EFNA5: variants seen among roughly 807,000 people sequenced by gnomAD.
EFNA5 encodes ephrin-A5.
Under a neutral mutation model 22.9 loss-of-function variants are expected in EFNA5, and 5 were observed. The observed-to-expected ratio is 0.22, with a 90% CI of 0.11 to 0.46. EFNA5 has a LOEUF of 0.46. Among genes scored for constraint, EFNA5 ranks in the 20% least tolerant of loss-of-function variants. EFNA5 has a pLI of 0.99. For synonymous variants in EFNA5, 113 were observed against 112.2 expected, an observed-to-expected ratio of 1.01 and a Z score of -0.04; for missense variants, 237 against 293.3, an observed-to-expected ratio of 0.81 and a Z score of 1.40.
chr5:107,606,912 C>A lies in EFNA5; in HGVS notation c.125+63577G>T, dbSNP rs114010540. 6.5e-3 allele frequency among the ~76,000 whole-genome samples: 991 copies of A among 152,210 alleles called. 11 individuals carry two copies. Among genetic ancestry groups the A allele is most frequent in the African/African-American group, 0.023 (966 of 41,528 alleles). On this transcript the variant is annotated intron_variant, in intron 1 of 4. Coordinates refer to ENST00000333274, the MANE Select transcript of EFNA5 (RefSeq NM_001962.3). ...ATTTTTTTCTCTCCATTGTTAATTT[C>A]TTTTTAAAATACTTCTTACCCCTTC...
At chr5:107,383,832 C>CT (rs1297384569) in intron 4 of EFNA5, among the ~76,000 whole-genome samples, 1 of 152,160 alleles carries the variant, frequency 6.6e-6, no homozygotes, top group Non-Finnish European at 1.5e-5. Context: ...GAGAGGAAGG[C>CT]TTTTGTTTTT....
chr5:107,621,623 G>C (rs1369168931), intron 1 of EFNA5, among the ~76,000 whole-genome samples: 2 of 152,170 alleles, frequency 1.3e-5, no homozygotes, highest in Non-Finnish European at 2.9e-5. Flanking sequence ...CTGATCATGA[G>C]AGAGCTACTT....
chr5:107,603,822 A>T (rs891009071), intron 1 of EFNA5, among the ~76,000 whole-genome samples: 1 of 152,208 alleles, frequency 6.6e-6, no homozygotes, highest in Non-Finnish European at 1.5e-5. Context: ...AGCCAAAGTG[A>T]TAGCAGAAAT....
At chr5:107,500,594 G>A (rs1227050067) in intron 1 of EFNA5, among the ~76,000 whole-genome samples, 2 of 151,980 alleles carry the variant, frequency 1.3e-5, no homozygotes, top group African/African-American at 2.4e-5. Context: ...ATCCTCATAT[G>A]GTGTGGCTGT....
chr5:107,387,374 ATTTC>A, intron 3 of EFNA5, 59 bp from the exon 4 acceptor site: 1 of 1,138,846 alleles, frequency 8.8e-7, no homozygotes, highest in East Asian at 2.5e-5. Context: ...TTAAACTCCC[ATTTC>A]TTTCTTTTTT....
chr5:107,414,899 TAAAGG>T (rs1331683944), intron 2 of EFNA5, among the ~76,000 whole-genome samples: 1 of 152,036 alleles, frequency 6.6e-6, no homozygotes, highest in Non-Finnish European at 1.5e-5. Flanking sequence ...GAAACTCAAG[TAAAGG>T]ATATTAATAT....
At chr5:107,381,413 C>G (rs1198721810) in intron 4 of EFNA5, 37 bp from the exon 5 acceptor site, 1 of 1,580,224 alleles carries the variant, frequency 6.3e-7, no homozygotes, top group African/African-American at 1.3e-5. Context: ...AATGAGATTT[C>G]ACATCCTTAA....
chr5:107,403,037 T>G (rs976933680), intron 2 of EFNA5, among the ~76,000 whole-genome samples: 1 of 152,200 alleles, frequency 6.6e-6, no homozygotes, highest in Non-Finnish European at 1.5e-5. Flanking sequence ...CAGCGTGCTG[T>G]GCCTCGCAGC....
At chr5:107,500,066 A>C (rs1317850967) in intron 1 of EFNA5, among the ~76,000 whole-genome samples, 2 of 152,222 alleles carry the variant, frequency 1.3e-5, no homozygotes, top group African/African-American at 4.8e-5. Context: ...CAGTGTTCTA[A>C]CTAATGCTTC....
chr5:107,406,485 C>T (rs1288165982), intron 2 of EFNA5, among the ~76,000 whole-genome samples: 1 of 152,046 alleles, frequency 6.6e-6, no homozygotes, highest in African/African-American at 2.4e-5. Context: ...ATTGCTTCCT[C>T]ATTTTCTTTA....
chr5:107,417,679 G>A (rs1298909774), intron 2 of EFNA5, among the ~76,000 whole-genome samples: 1 of 152,178 alleles, frequency 6.6e-6, no homozygotes, highest in Admixed American at 6.5e-5. Context: ...AGGGTAGGGA[G>A]CAAGGATGAG....
intron 1 of EFNA5, among the ~76,000 whole-genome samples, chr5:107,588,523 C>T (rs78138273): frequency 0.012 from 1,870 of 152,298 alleles, 36 homozygotes; most frequent in African/African-American, 0.044. Flanking sequence ...TTATGCTCCA[C>T]AGCAGAGAGA....
At chr5:107,567,619 G>C (rs1168695116) in intron 1 of EFNA5, among the ~76,000 whole-genome samples, 1 of 152,208 alleles carries the variant, frequency 6.6e-6, no homozygotes, top group African/African-American at 2.4e-5. Context: ...TCCCAAGAAA[G>C]GGAAGACAAA....
intron 1 of EFNA5, among the ~76,000 whole-genome samples, chr5:107,564,135 G>A (rs1324753866): frequency 6.6e-6 from 1 of 152,156 alleles, no homozygotes; most frequent in East Asian, 1.9e-4. Context: ...GGGTTGGGGA[G>A]GGACACTCTG....
At chr5:107,452,023 A>G (rs1749572145) in intron 1 of EFNA5, among the ~76,000 whole-genome samples, 2 of 152,232 alleles carry the variant, frequency 1.3e-5, no homozygotes, top group African/African-American at 4.8e-5. Flanking sequence ...GTACGTATAT[A>G]CCAAGGAATA....
intron 1 of EFNA5, among the ~76,000 whole-genome samples, chr5:107,664,108 G>A (rs1166358615): frequency 6.6e-6 from 1 of 151,986 alleles, no homozygotes; most frequent in African/African-American, 2.4e-5. Flanking sequence ...ATTATATTCA[G>A]AAGCCTCAAA....
At chr5:107,420,531 AAAAAAAAAAG>A (rs1343247312) in intron 2 of EFNA5, among the ~76,000 whole-genome samples, 1 of 106,482 alleles carries the variant, frequency 9.4e-6, no homozygotes, top group African/African-American at 3.0e-5. Flanking sequence ...TTAAAAAAAA[AAAAAAAAAAG>A]AAAAAAAAAA....
intron 1 of EFNA5, among the ~76,000 whole-genome samples, chr5:107,554,235 C>T (rs163888): frequency 0.32 from 49,286 of 151,966 alleles, 8,363 homozygotes; most frequent in Middle Eastern, 0.4. Flanking sequence ...TTTTCCAATA[C>T]TTCAAGGCTA....
At chr5:107,483,389 G>A (rs1750538915) in intron 1 of EFNA5, among the ~76,000 whole-genome samples, 1 of 152,072 alleles carries the variant, frequency 6.6e-6, no homozygotes. Flanking sequence ...CCTGAACTCT[G>A]CACATCTTCC....
Sources: allele counts gnomAD v4.1 joint callset (sites outside exome capture counted in the v4.1 genomes callset), GRCh38; gene constraint gnomAD v4.1.1; transcripts MANE v1.5; gene names NCBI Gene and HGNC (gene_info 2026-07-23, HGNC 2026-07-21).